Variants in SLC24A2 observed in about 807,000 individuals in gnomAD.
SLC24A2 encodes the protein sodium/potassium/calcium exchanger 2.
Under a neutral mutation model 62.0 loss-of-function variants are expected in SLC24A2, and 36 were observed. That is an observed-to-expected ratio of 0.58 (90% CI 0.44 to 0.77). SLC24A2 has a LOEUF of 0.77. Among genes scored for constraint, SLC24A2 ranks in the 30% least tolerant of loss-of-function variants. The probability of loss-of-function intolerance (pLI) is 0.00; values close to 1 mark genes in which losing one functional copy is unlikely to be tolerated. For synonymous variants in SLC24A2, 358 were observed against 294.0 expected (o/e 1.22, Z -2.23); for missense variants, 846 against 817.9 (o/e 1.03, Z -0.42).
In SLC24A2 at chr9:19,508,463, A is replaced by G. The variant is rs2132595598; in HGVS notation, c.*7690T>C. On this transcript the variant is annotated 3_prime_UTR_variant, in exon 11 of 11. Transcript: ENST00000341998. ...GTACCCAGTTCTGGTGGATTTCTAG[A>G]CTATTAAGTGCTTTTTAGTAATTAC... 1 of 152,242 alleles carries G rather than the reference A, an allele frequency of 6.6e-6. No homozygotes were observed. Among genetic ancestry groups the G allele is most frequent in the African/African-American group, 2.4e-5 (1 of 41,540 alleles). 9.4% of individuals were successfully genotyped at this position (152,242 alleles called of 1,614,324 possible).
At chr9:20,061,438 C>T in the SLC24A2 span, among the ~76,000 whole-genome samples, 2 of 152,270 alleles carry the variant, frequency 1.3e-5, no homozygotes, top group East Asian at 1.9e-4. Flanking sequence ...AGGCATGTGC[C>T]ACCATGCCCA....
the SLC24A2 span, among the ~76,000 whole-genome samples, chr9:19,949,919 G>C: frequency 6.6e-6 from 1 of 152,192 alleles, no homozygotes; most frequent in African/African-American, 2.4e-5. Flanking sequence ...CTTGCTAATC[G>C]AGTGTGGTGT....
chr9:19,944,838 T>C, the SLC24A2 span, among the ~76,000 whole-genome samples: 1 of 152,208 alleles, frequency 6.6e-6, no homozygotes, highest in Non-Finnish European at 1.5e-5. Context: ...GAGACTGTAT[T>C]TATTTGATAG....
chr9:19,819,654 T>A, the SLC24A2 span, among the ~76,000 whole-genome samples: 3 of 151,928 alleles, frequency 2.0e-5, no homozygotes, highest in Non-Finnish European at 4.4e-5. Context: ...AAAACCACAA[T>A]GTGATACCAC....
intron 2 of SLC24A2, among the ~76,000 whole-genome samples, chr9:19,685,069 C>T (rs193299248): frequency 1.2e-3 from 175 of 152,090 alleles, no homozygotes; most frequent in Non-Finnish European, 1.9e-3. Context: ...TAACTGACTG[C>T]GCCACTGGAG....
At chr9:19,715,393 T>C (rs1820829817) in intron 2 of SLC24A2, among the ~76,000 whole-genome samples, 1 of 152,184 alleles carries the variant, frequency 6.6e-6, no homozygotes, top group African/African-American at 2.4e-5. Context: ...AGGGACCGAG[T>C]ATCCTCAAGT....
rs969903038 is a variant in SLC24A2, at chr9:19,541,807, C to G, written c.1479+8330G>C. Among the ~76,000 whole-genome samples, 454 of 149,128 alleles carry G rather than the reference C, an allele frequency of 3.0e-3. 2 individuals are homozygous for G. Among genetic ancestry groups the G allele is most frequent in the Middle Eastern group, 0.021 (6 of 282 alleles). On this transcript the variant is annotated intron_variant, in intron 8 of 10. Coordinates refer to ENST00000341998, the MANE Select transcript of SLC24A2 (RefSeq NM_020344.4). ...ATGGCGGGCGCCCCTCCCCCAGCCTCGTTGCCGCCTTGCAGTTTGATCTCA... is the reference window on the plus strand; with the variant it reads ...ATGGCGGGCGCCCCTCCCCCAGCCTGGTTGCCGCCTTGCAGTTTGATCTCA...
intron 2 of SLC24A2, among the ~76,000 whole-genome samples, chr9:19,650,112 G>T (rs775088961): frequency 7.2e-5 from 11 of 152,186 alleles, no homozygotes; most frequent in Non-Finnish European, 1.5e-4. Flanking sequence ...TTTTGAAGAT[G>T]AAAGGAGATC....
At chr9:19,687,171 A>G (rs1041560198) in intron 2 of SLC24A2, among the ~76,000 whole-genome samples, 5 of 152,038 alleles carry the variant, frequency 3.3e-5, no homozygotes, top group Admixed American at 2.0e-4. Context: ...AAAGCTACCT[A>G]TTGGGTACTA....
At chr9:19,683,200 G>A (rs1234423243) in intron 2 of SLC24A2, among the ~76,000 whole-genome samples, 1 of 152,138 alleles carries the variant, frequency 6.6e-6, no homozygotes, top group East Asian at 1.9e-4. Flanking sequence ...GTGCGGCGAG[G>A]TAAAACTCTG....
chr9:19,798,177 CAT>C, the SLC24A2 span, among the ~76,000 whole-genome samples: 1 of 151,912 alleles, frequency 6.6e-6, no homozygotes, highest in Non-Finnish European at 1.5e-5. Context: ...TTTGTCATCT[CAT>C]ATGATATTTA....
At chr9:19,995,942 A>T in the SLC24A2 span, among the ~76,000 whole-genome samples, 1 of 152,216 alleles carries the variant, frequency 6.6e-6, no homozygotes, top group African/African-American at 2.4e-5. Context: ...ATCTGGGGAG[A>T]AAGGTAGACT....
the SLC24A2 span, among the ~76,000 whole-genome samples, chr9:20,041,304 C>T: frequency 6.6e-6 from 1 of 152,220 alleles, no homozygotes; most frequent in Non-Finnish European, 1.5e-5. Context: ...ATAATTACTT[C>T]TTCCTGTAGG....
intron 2 of SLC24A2, among the ~76,000 whole-genome samples, chr9:19,664,014 T>C (rs899789419): frequency 6.6e-6 from 1 of 152,256 alleles, no homozygotes; most frequent in African/African-American, 2.4e-5. Context: ...CTGAGCACTG[T>C]GGTGCCTCGC....
the SLC24A2 span, among the ~76,000 whole-genome samples, chr9:20,095,526 G>C: frequency 1.3e-4 from 20 of 152,280 alleles, no homozygotes; most frequent in African/African-American, 2.2e-4. Flanking sequence ...CTCCACGTGA[G>C]AGAAAATTCC....
At chr9:19,921,842 T>G in the SLC24A2 span, among the ~76,000 whole-genome samples, 3 of 152,116 alleles carry the variant, frequency 2.0e-5, no homozygotes, top group African/African-American at 7.2e-5. Flanking sequence ...AAAAAGGATA[T>G]CTTATTGATA....
chr9:19,823,667 AC>A, the SLC24A2 span, among the ~76,000 whole-genome samples: 492 of 152,120 alleles, frequency 3.2e-3, 1 homozygote, highest in African/African-American at 0.011. Flanking sequence ...AACACATCAG[AC>A]GAGATCAGGA....
At chr9:19,812,112 T>G in the SLC24A2 span, among the ~76,000 whole-genome samples, 2 of 152,140 alleles carry the variant, frequency 1.3e-5, no homozygotes, top group African/African-American at 2.4e-5. Context: ...CTTTCAGAAG[T>G]TCTGGTGAGA....
intron 2 of SLC24A2, among the ~76,000 whole-genome samples, chr9:19,784,920 T>G (rs1327413272): frequency 6.6e-6 from 1 of 152,184 alleles, no homozygotes. Context: ...CATATTAATA[T>G]CATTTTTCTT....
Sources: allele counts gnomAD v4.1 joint callset (sites outside exome capture counted in the v4.1 genomes callset), GRCh38; gene constraint gnomAD v4.1.1; transcripts MANE v1.5; gene names NCBI Gene and HGNC (gene_info 2026-07-23, HGNC 2026-07-21).